The following MKLN1 variants were observed in gnomAD, a reference collection of about 807,000 sequenced individuals.
MKLN1 encodes the protein muskelin 1.
In MKLN1, 18 loss-of-function variants were observed where a neutral mutation model predicts 99.0. That is an observed-to-expected ratio of 0.18 (90% CI 0.13 to 0.27). The LOEUF (loss-of-function observed/expected upper bound fraction) is 0.27, where lower values mean the gene tolerates loss of function less well. MKLN1 is among the 10% of genes least tolerant of loss of function. MKLN1 has a pLI of 1.00. For synonymous variants in MKLN1, 288 were observed against 293.2 expected (o/e 0.98, Z 0.18); for missense variants, 621 against 875.9 (o/e 0.71, Z 3.67).
At chr7:131,381,422 A>G (rs997978823) in intron 2 of MKLN1, among the ~76,000 whole-genome samples, 5 of 152,244 alleles carry the variant, frequency 3.3e-5, no homozygotes, top group African/African-American at 1.2e-4. Context: ...TTACTCTACC[A>G]GCACAGATGA....
intron 16 of MKLN1, 59 bp downstream of exon 16, chr7:131,471,003 T>TA (rs1193295566): frequency 2.4e-6 from 3 of 1,225,400 alleles, no homozygotes; most frequent in African/African-American, 3.1e-5. Context: ...CTTCCTAACT[T>TA]ATATTTAATG....
intron 2 of MKLN1, among the ~76,000 whole-genome samples, chr7:131,162,434 C>A (rs1405697946): frequency 6.6e-6 from 1 of 152,012 alleles, no homozygotes; most frequent in Non-Finnish European, 1.5e-5. Context: ...CATAAATGAG[C>A]GTCAGGAATG....
intron 12 of MKLN1, among the ~76,000 whole-genome samples, chr7:131,454,100 A>AGTC: frequency 6.7e-6 from 1 of 149,242 alleles, no homozygotes; most frequent in African/African-American, 2.5e-5. Context: ...ATTATCTGTT[A>AGTC]AAATACAAAA....
chr7:131,445,381 CCTTT>C (rs925439768), intron 11 of MKLN1, among the ~76,000 whole-genome samples: 17 of 152,216 alleles, frequency 1.1e-4, no homozygotes, highest in Admixed American at 4.6e-4. Context: ...GTTTATCCTT[CCTTT>C]GTTTTTCAAA....
At chr7:131,480,164 G>A in intron 17 of MKLN1, among the ~76,000 whole-genome samples, 1 of 151,958 alleles carries the variant, frequency 6.6e-6, no homozygotes, top group Admixed American at 6.6e-5. Flanking sequence ...TAATCGTCTT[G>A]AAGTATGGAA....
At chr7:131,296,704 C>T (rs1324131102) in intron 3 of MKLN1, among the ~76,000 whole-genome samples, 1 of 152,086 alleles carries the variant, frequency 6.6e-6, no homozygotes, top group Non-Finnish European at 1.5e-5. Flanking sequence ...GCATAAGCAA[C>T]ATAGCAAGAC....
intron 2 of MKLN1, among the ~76,000 whole-genome samples, chr7:131,375,726 A>T (rs1021357401): frequency 6.6e-6 from 1 of 152,076 alleles, no homozygotes; most frequent in African/African-American, 2.4e-5. Flanking sequence ...TGTCTACCAG[A>T]ACAGTTACGC....
intron 1 of MKLN1, among the ~76,000 whole-genome samples, chr7:131,364,014 T>A (rs920311057): frequency 6.6e-6 from 1 of 152,234 alleles, no homozygotes; most frequent in South Asian, 2.1e-4. Context: ...TAAAATCCCC[T>A]TCTTACTATG....
chr7:131,359,911 T>A (rs1404815960), intron 1 of MKLN1, among the ~76,000 whole-genome samples: 1 of 151,956 alleles, frequency 6.6e-6, no homozygotes, highest in Non-Finnish European at 1.5e-5. Context: ...TTTTTGTATT[T>A]TTAGTAGAGG....
intron 3 of MKLN1, among the ~76,000 whole-genome samples, chr7:131,225,703 G>A (rs988827772): frequency 2.0e-5 from 3 of 152,114 alleles, no homozygotes; most frequent in East Asian, 1.9e-4. Context: ...TTCCTCTGAC[G>A]TCACTGGGCT....
At chr7:131,126,697 G>T (rs552908935) in intron 1 of MKLN1, among the ~76,000 whole-genome samples, 8 of 152,316 alleles carry the variant, frequency 5.3e-5, no homozygotes, top group African/African-American at 1.9e-4. Flanking sequence ...GGAGTTACAG[G>T]TGCGTGCCAC....
chr7:131,337,541 A>G (rs1012213344), intron 1 of MKLN1, among the ~76,000 whole-genome samples: 16 of 151,946 alleles, frequency 1.1e-4, no homozygotes, highest in African/African-American at 3.6e-4. Flanking sequence ...TTTTAGAATT[A>G]TTTCATCCTC....
intron 3 of MKLN1, among the ~76,000 whole-genome samples, chr7:131,241,374 T>C (rs12669557): frequency 0.26 from 32,098 of 122,018 alleles, 4,617 homozygotes; most frequent in East Asian, 0.49. Context: ...GGAGACTCTG[T>C]CTAAAAAAAA....
chr7:131,369,872 T>C (rs1391609738), intron 1 of MKLN1, among the ~76,000 whole-genome samples: 2 of 152,234 alleles, frequency 1.3e-5, no homozygotes, highest in Non-Finnish European at 2.9e-5. Flanking sequence ...GTTTTGGTCT[T>C]GCTGCCCAAG....
chr7:131,438,935 T>C (rs1236650749), intron 10 of MKLN1, among the ~76,000 whole-genome samples: 1 of 152,138 alleles, frequency 6.6e-6, no homozygotes, highest in Non-Finnish European at 1.5e-5. Flanking sequence ...TTTTAAACTA[T>C]CCTATTGCCA....
Position 131,399,390 on chromosome 7 carries a change from T to G in MKLN1, c.660T>G (p.Gly220=). The G allele has an allele frequency of 6.2e-7, 1 of 1,613,998 alleles. No individual in the cohort carries two copies. The highest frequency in any genetic ancestry group is 8.5e-7 in the Non-Finnish European group (1 of 1,179,918). The change falls in exon 6 of 18, where the codon GGT becomes GGG. Residue 220 remains glycine (G), a synonymous_variant. Coordinates refer to ENST00000352689, the MANE Select transcript of MKLN1 (RefSeq NM_013255.5). ...TTCATGACAAGCTGGTGTTGAAGGG[T>G]GATTTTGATGCTTGCGAAGAGTTGA... The part of the protein sequence containing the change: ...TDIHDKLVLK[G]DFDACEELIE...
rs575594747 is a variant in MKLN1, at chr7:131,491,039, C to T, written c.*3311C>T. The T allele has an allele frequency of 3.9e-5, 6 of 152,184 alleles. No individual in the cohort carries two copies. In the South Asian group the frequency reaches 1.2e-3, roughly 32 times the overall value. The allele number at this position is 152,184 out of a possible 1,614,324, so 9.4% of individuals were successfully genotyped here. ...CATGGTAATTACATGAAGAAGTTAC[C>T]TGCAATTATTCTTAACACTACATGG... On this transcript the variant is annotated 3_prime_UTR_variant, in exon 18 of 18. Coordinates refer to ENST00000352689, the MANE Select transcript of MKLN1 (RefSeq NM_013255.5).
chr7:131,362,141 T>C (rs1800049314), intron 1 of MKLN1, among the ~76,000 whole-genome samples: 1 of 152,090 alleles, frequency 6.6e-6, no homozygotes. Context: ...ACCTGTTTAT[T>C]GTATTTGGGT....
At chr7:131,466,942 C>T (rs538074154) in intron 15 of MKLN1, among the ~76,000 whole-genome samples, 7 of 152,274 alleles carry the variant, frequency 4.6e-5, no homozygotes, top group East Asian at 3.9e-4. Context: ...CGCGCACACA[C>T]GCACGCAGGC....
Sources: gnomAD v4.1 joint callset for allele counts (sites outside exome capture counted in the v4.1 genomes callset) on GRCh38, gnomAD v4.1.1 for gene constraint, MANE v1.5 for transcripts, NCBI Gene and HGNC (gene_info 2026-07-23, HGNC 2026-07-21) for gene names.